Variants in MLLT3 observed in about 807,000 individuals in gnomAD.
The protein encoded by MLLT3 is MLLT3 super elongation complex subunit, also known as protein AF-9.
A neutral mutation model predicts 53.2 loss-of-function variants in MLLT3; 4 were observed. That is an observed-to-expected ratio of 0.08 (90% CI 0.04 to 0.17). MLLT3 has a LOEUF of 0.17. Among genes scored for constraint, MLLT3 ranks in the 10% least tolerant of loss-of-function variants. MLLT3 has a pLI of 1.00. For synonymous variants in MLLT3, 283 were observed against 230.6 expected (o/e 1.23, Z -2.06); for missense variants, 569 against 684.0 (o/e 0.83, Z 1.87).
intron 5 of MLLT3, among the ~76,000 whole-genome samples, chr9:20,372,658 T>C (rs1422267496): frequency 1.3e-5 from 2 of 150,014 alleles, no homozygotes; most frequent in African/African-American, 4.9e-5. Context: ...TCCACCCGCC[T>C]TGGCCTCCCA....
At chr9:20,450,791 ATCTG>A (rs1268500578) in intron 3 of MLLT3, among the ~76,000 whole-genome samples, 1 of 152,182 alleles carries the variant, frequency 6.6e-6, no homozygotes, top group East Asian at 1.9e-4. Context: ...TTTTTTATTT[ATCTG>A]TCTATCCTCT....
At chr9:20,459,233 A>G (rs1824047930) in intron 2 of MLLT3, among the ~76,000 whole-genome samples, 2 of 152,218 alleles carry the variant, frequency 1.3e-5, no homozygotes, top group Admixed American at 6.5e-5. Context: ...AATTGCCCCA[A>G]ACTGACATCC....
chr9:20,460,910 C>CTGGT (rs1459975904), intron 2 of MLLT3, among the ~76,000 whole-genome samples: 1 of 152,154 alleles, frequency 6.6e-6, no homozygotes, highest in Non-Finnish European at 1.5e-5. Flanking sequence ...TACTGTGGAA[C>CTGGT]TGGTCCTAGT....
intron 4 of MLLT3, among the ~76,000 whole-genome samples, chr9:20,434,081 A>G (rs895343127): frequency 6.6e-6 from 1 of 152,152 alleles, no homozygotes; most frequent in Admixed American, 6.6e-5. Flanking sequence ...AGACGGTGCC[A>G]CTGCACTCCA....
At chr9:20,383,745 C>T (rs1821962405) in intron 5 of MLLT3, among the ~76,000 whole-genome samples, 1 of 151,952 alleles carries the variant, frequency 6.6e-6, no homozygotes, top group Non-Finnish European at 1.5e-5. Flanking sequence ...CTTGACACTT[C>T]AAGAAATAAG....
intron 2 of MLLT3, 62 bp from the exon 3 acceptor site, chr9:20,456,848 TTA>T: frequency 7.7e-7 from 1 of 1,299,040 alleles, no homozygotes; most frequent in Non-Finnish European, 1.1e-6. Context: ...CATTCTTCTT[TTA>T]AAAAAAAAAA....
chr9:20,509,413 A>T (rs767253625), intron 2 of MLLT3, among the ~76,000 whole-genome samples: 1 of 152,198 alleles, frequency 6.6e-6, no homozygotes, highest in Non-Finnish European at 1.5e-5. Flanking sequence ...TTGACTCTAG[A>T]TAAAAATGGT....
intron 5 of MLLT3, among the ~76,000 whole-genome samples, chr9:20,388,645 T>C (rs1322347481): frequency 1.3e-5 from 2 of 151,638 alleles, no homozygotes; most frequent in Non-Finnish European, 2.9e-5. Flanking sequence ...AATAAGGTAA[T>C]TGTCAAAAAC....
intron 2 of MLLT3, among the ~76,000 whole-genome samples, chr9:20,460,934 C>T (rs1824091260): frequency 6.6e-6 from 1 of 152,180 alleles, no homozygotes; most frequent in Non-Finnish European, 1.5e-5. Context: ...GAGAGCACCA[C>T]ATGTTAAGCA....
In MLLT3 at chr9:20,377,874, A is replaced by G. The variant is rs1821808844; in HGVS notation, c.1126-12130T>C. Among the ~76,000 whole-genome samples the G allele has an allele frequency of 2.0e-5, 3 of 152,074 alleles. No individual in the cohort carries two copies. In the South Asian group the frequency reaches 6.2e-4, roughly 31 times the overall value. On this transcript the variant is annotated intron_variant, in intron 5 of 10. Transcript: ENST00000380338. ...CTACCTCATCTTCACCAGGTCAAAA[A>G]TGCAACATTTTCTCATTATCAGCTT...
At position 20,536,173 on chromosome 9, in the gene MLLT3, A is replaced by AAAAACAAAACAAAAC. The variant is rs141799842; in HGVS notation, c.194-79402_194-79388dup. Among the ~76,000 whole-genome samples, 30 of 150,668 alleles carry AAAAACAAAACAAAAC rather than the reference A, an allele frequency of 2.0e-4. 1 individual carries two copies. In the Middle Eastern group the frequency reaches 0.014, roughly 69 times the overall value. ...GACTACCATTACTACCAGCATCTTT[A>AAAAACAAAACAAAAC]AAAACAAAACAAAACAAAACAAAAC... On this transcript the variant is annotated intron_variant, in intron 2 of 10. Coordinates refer to ENST00000380338, the MANE Select transcript of MLLT3 (RefSeq NM_004529.4).
Position 20,620,552 on chromosome 9 carries a change from A to AGCGCG in MLLT3, c.193+97_193+101dup, listed in dbSNP as rs1351212619. 1 of 1,064,254 alleles carries AGCGCG rather than the reference A, an allele frequency of 9.4e-7. No homozygotes were observed. The highest frequency in any genetic ancestry group is 1.7e-5 in the African/African-American group (1 of 59,714). The allele number at this position is 1,064,254 out of a possible 1,614,324, so 65.9% of individuals were successfully genotyped here. On this transcript the variant is annotated intron_variant, in intron 2 of 10. Transcript: ENST00000380338. The surrounding 1 kb of genome is among the most constrained non-coding windows in gnomAD (Gnocchi z 6.1). ...CCCGGATCCCGAGGCTACGCCGGCGAGCGCGGCGCGGGGGGCGGGGAGCGG... is the reference window on the plus strand; with the variant it reads ...CCCGGATCCCGAGGCTACGCCGGCGAGCGCGGCGCGGCGCGGGGGGCGGGGAGCGG...
At chr9:20,359,678 T>C (rs1821268412) in intron 8 of MLLT3, among the ~76,000 whole-genome samples, 1 of 152,218 alleles carries the variant, frequency 6.6e-6, no homozygotes, top group African/African-American at 2.4e-5. Context: ...AGCTCTAAAC[T>C]AACATTTTCC....
rs765186482 is a variant in MLLT3 at position 20,354,845 on chromosome 9, T to C, written c.1466A>G (p.Lys489Arg). 7.4e-6 allele frequency: 12 copies of C among 1,613,018 alleles called. No individual in the cohort carries two copies. The highest frequency in any genetic ancestry group is 2.2e-5 in the South Asian group (2 of 91,048). Residue 489 changes from lysine to arginine, a missense_variant, in exon 9 of 11, where the codon AAA (lysine) becomes AGA (arginine). Coordinates refer to ENST00000380338, the MANE Select transcript of MLLT3 (RefSeq NM_004529.4). ...LEVKSPIKQS[K>R]SDKQIKNGEC... ...ACCATTCTTTATTTGCTTATCTGATTTGCTTTGCTTTATTGGACTTTTCAC... is the reference window on the plus strand; with the variant it reads ...ACCATTCTTTATTTGCTTATCTGATCTGCTTTGCTTTATTGGACTTTTCAC...
At chr9:20,493,971 G>A (rs1330109423) in intron 2 of MLLT3, among the ~76,000 whole-genome samples, 2 of 151,902 alleles carry the variant, frequency 1.3e-5, no homozygotes, top group Non-Finnish European at 1.5e-5. Flanking sequence ...TTTCTGGAAC[G>A]CACATTTCCA....
chr9:20,583,320 T>C (rs1819852768), intron 2 of MLLT3, among the ~76,000 whole-genome samples: 1 of 152,178 alleles, frequency 6.6e-6, no homozygotes, highest in Non-Finnish European at 1.5e-5. Context: ...GCTGCTTTCA[T>C]GGGCTAGTGT....
intron 2 of MLLT3, among the ~76,000 whole-genome samples, chr9:20,602,109 A>G (rs1285138511): frequency 2.6e-5 from 4 of 152,204 alleles, no homozygotes; most frequent in Admixed American, 2.6e-4. Context: ...CTTCCCCCTC[A>G]CGATAATTTA....
At chr9:20,396,418 T>C (rs1822323001) in intron 5 of MLLT3, among the ~76,000 whole-genome samples, 1 of 152,194 alleles carries the variant, frequency 6.6e-6, no homozygotes, top group Admixed American at 6.5e-5. Flanking sequence ...TCAGAGATTA[T>C]AAAATTAAGA....
chr9:20,488,586 T>G (rs1382293348), intron 2 of MLLT3, among the ~76,000 whole-genome samples: 3 of 152,168 alleles, frequency 2.0e-5, no homozygotes, highest in Non-Finnish European at 2.9e-5. Flanking sequence ...AATATAATAC[T>G]TTAAACTTAT....
Sources: gnomAD v4.1 joint callset for allele counts (sites outside exome capture counted in the v4.1 genomes callset) on GRCh38, gnomAD v4.1.1 for gene constraint, Gnocchi (gnomAD v3.1) non-coding constraint, MANE v1.5 for transcripts, NCBI Gene and HGNC (gene_info 2026-07-23, HGNC 2026-07-21) for gene names.